Variants in EP400 observed in about 807,000 individuals in gnomAD.
EP400 encodes the protein E1A-binding protein p400.
In EP400, 105 loss-of-function variants were observed where a neutral mutation model predicts 354.1. The ratio of observed to expected loss-of-function variants is 0.30; its 90% CI spans 0.25 to 0.35. The LOEUF is 0.35. Ranked by LOEUF, EP400 falls within the 10% of genes least tolerant of loss-of-function variation. EP400 has a pLI of 1.00. For synonymous variants in EP400, 1,646 were observed against 1,716.9 expected (o/e 0.96, Z 1.02); for missense variants, 3,280 against 4,121.0 (o/e 0.80, Z 5.59).
rs1419384003 is a variant in EP400 at position 131,960,740 on chromosome 12, C to G, written c.121C>G (p.Pro41Ala). The G allele has an allele frequency of 6.2e-7, 1 of 1,609,198 alleles. No individual in the cohort carries two copies. The highest frequency in any genetic ancestry group is 8.5e-7 in the Non-Finnish European group (1 of 1,178,582). ...HPNPPPSPAA[P>A]FAPSASPSAP... Reference sequence around the variant, plus strand: ...CAACCCACCCCCGTCCCCCGCAGCTCCCTTCGCTCCCTCAGCAAGCCCGTC... The same window carrying G: ...CAACCCACCCCCGTCCCCCGCAGCTGCCTTCGCTCCCTCAGCAAGCCCGTC... The change falls in exon 2 of 53, where the codon CCC (proline) becomes GCC (alanine). Residue 41 changes from proline to alanine, a missense_variant. Pro to Ala is a conservative substitution (Grantham distance 27). Around this residue, in one of 20 missense-constraint regions of EP400, gnomAD observed 172 missense variants for 242.9 expected, o/e 0.71. Coordinates refer to ENST00000389561, the MANE Select transcript of EP400 (RefSeq NM_015409.5).
Position 132,030,273 on chromosome 12 carries a change from T to G in EP400, c.5754+115T>G, listed in dbSNP as rs967724067. 11 of 1,230,594 alleles carry G rather than the reference T, an allele frequency of 8.9e-6. No homozygotes were observed. The African/African-American group carries it at 1.7e-4, about 19-fold the overall frequency. 76.2% of individuals were successfully genotyped at this position (1,230,594 alleles called of 1,614,324 possible). ...CCTTCTAAGTGAAAGGGGAGGGACT[T>G]AATGAGCTTCTGAACTTTTTAAAGT... On this transcript the variant is annotated intron_variant, in intron 29 of 52. Transcript: ENST00000389561.
rs775391655 is a variant in EP400, at chr12:132,062,283, G to A, written c.8058G>A (p.Val2686=). 4.4e-5 allele frequency: 71 copies of A among 1,614,088 alleles called. No individual in the cohort carries two copies. In the South Asian group the frequency reaches 6.7e-4, roughly 15 times the overall value. Reference sequence around the variant, plus strand: ...TGGTCACTACCAACCTGACCCCAGTGCAGACCCCGGCACGGTCTTTGGTGC... The same window carrying A: ...TGGTCACTACCAACCTGACCCCAGTACAGACCCCGGCACGGTCTTTGGTGC... ...SAVVTTNLTP[V]QTPARSLVPQ... is the part of the protein sequence containing the mutation. Residue 2686 remains valine (V), a synonymous_variant, in exon 46 of 53, where the codon GTG becomes GTA. Transcript: ENST00000389561.
rs1896214684 is a variant in EP400, at chr12:132,075,751, C to A, written c.9022-765C>A. ...GAATAATCTTGGGAAATATTATTTTCATCCGTTTTCTGTAAGTAACAGGAC... is the reference window on the plus strand; with the variant it reads ...GAATAATCTTGGGAAATATTATTTTAATCCGTTTTCTGTAAGTAACAGGAC... On this transcript the variant is annotated intron_variant, in intron 51 of 52. Coordinates refer to ENST00000389561, the MANE Select transcript of EP400 (RefSeq NM_015409.5). The surrounding 1 kb of genome is among the most constrained non-coding windows in gnomAD (Gnocchi z 4.5). 6.6e-6 allele frequency: 1 copy of A among 152,234 alleles called. No individual in the cohort carries two copies. Among genetic ancestry groups the A allele is most frequent in the Admixed American group, 6.5e-5 (1 of 15,288 alleles). The allele number at this position is 152,234 out of a possible 1,614,324, so 9.4% of individuals were successfully genotyped here.
chr12:131,955,273 T>C (rs1891657164), intron 1 of EP400, among the ~76,000 whole-genome samples: 1 of 151,050 alleles, frequency 6.6e-6, no homozygotes, highest in South Asian at 2.1e-4. Flanking sequence ...ATAATTTACA[T>C]ATGGTAAAAG....
chr12:132,001,619 C>G (rs111229440), intron 12 of EP400, among the ~76,000 whole-genome samples: 1 of 152,116 alleles, frequency 6.6e-6, no homozygotes, highest in Non-Finnish European at 1.5e-5. Flanking sequence ...GGGAGACTCC[C>G]TTTCCCGGTC....
intron 39 of EP400, among the ~76,000 whole-genome samples, chr12:132,049,721 C>T (rs1394738440): frequency 6.6e-6 from 1 of 152,194 alleles, no homozygotes; most frequent in Non-Finnish European, 1.5e-5. Flanking sequence ...GACAGCTGTT[C>T]ACTTCACAGG....
intron 51 of EP400, among the ~76,000 whole-genome samples, chr12:132,072,727 C>CT (rs1172725129): frequency 2.6e-5 from 4 of 152,192 alleles, no homozygotes; most frequent in Non-Finnish European, 5.9e-5. Flanking sequence ...ACTTGTGTTA[C>CT]TAGTTATTGA....
chr12:131,989,755 C>T (rs1892969858), intron 7 of EP400, among the ~76,000 whole-genome samples: 1 of 152,146 alleles, frequency 6.6e-6, no homozygotes, highest in African/African-American at 2.4e-5. Flanking sequence ...AGTATAAAAA[C>T]ACTTTCTAGA....
intron 1 of EP400, among the ~76,000 whole-genome samples, chr12:131,950,948 G>A (rs1891456487): frequency 6.6e-6 from 1 of 151,986 alleles, no homozygotes; most frequent in Admixed American, 6.6e-5. Context: ...CACCCAGGCT[G>A]GAGTGCAGTG....
At position 132,021,100 on chromosome 12, in the gene EP400, C is replaced by G; in HGVS notation, c.4469C>G (p.Thr1490Ser). ...GCAGCAGCAGCAGCCCCGTTTCAGACCTCTCAGGCTTCCGCCAGTGCTCCA... is the reference window on the plus strand; with the variant it reads ...GCAGCAGCAGCAGCCCCGTTTCAGAGCTCTCAGGCTTCCGCCAGTGCTCCA... ...EAKAAAAPFQ[T>S]SQASASAPRH... The change falls in exon 23 of 53, where the codon ACC becomes AGC. Residue 1490 changes from threonine to serine, a missense_variant. Around this residue, in one of 20 missense-constraint regions of EP400, gnomAD observed 342 missense variants for 342.7 expected, o/e 1.00. Transcript: ENST00000389561. The G allele has an allele frequency of 6.3e-7, 1 of 1,599,594 alleles. No homozygotes were observed. Among genetic ancestry groups the G allele is most frequent in the Non-Finnish European group, 8.5e-7 (1 of 1,179,472 alleles).
Position 132,053,390 on chromosome 12 carries a change from A to ACCCCCCCCCCCCCCCCCCCCCCCCC in EP400, c.7526_7527insCCCCCCCCCCCCCCCCCCCCCCCCC (p.Gln2511ProfsTer79). On this transcript the variant is annotated frameshift_variant, in exon 43 of 53. Coordinates refer to ENST00000389561, the MANE Select transcript of EP400 (RefSeq NM_015409.5). LOFTEE classifies it high-confidence loss of function. ...CACAGCAGCCGGCCGTGGCCCAGCC[A>ACCCCCCCCCCCCCCCCCCCCCCCCC]CCCCCGCCCCAGCCGCAGCCCCCAC... 1 of 1,146,732 alleles carries ACCCCCCCCCCCCCCCCCCCCCCCCC rather than the reference A, an allele frequency of 8.7e-7. No individual in the cohort carries two copies. The highest frequency in any genetic ancestry group is 1.2e-6 in the Non-Finnish European group (1 of 860,118). 71.0% of individuals were successfully genotyped at this position (1,146,732 alleles called of 1,614,324 possible).
At chr12:132,059,695 G>A (rs1198036868) in intron 45 of EP400, among the ~76,000 whole-genome samples, 1 of 152,198 alleles carries the variant, frequency 6.6e-6, no homozygotes, top group South Asian at 2.1e-4. Flanking sequence ...GTGCGATATT[G>A]GGATTATCAG....
chr12:132,062,554 G>GCAA lies in EP400; in HGVS notation c.8189_8190insACA (p.Gln2748dup), dbSNP rs2136606838. The GCAA allele has an allele frequency of 6.5e-7, 1 of 1,534,156 alleles. No individual in the cohort carries two copies. Among genetic ancestry groups the GCAA allele is most frequent in the South Asian group, 1.2e-5 (1 of 84,750 alleles). On this transcript the variant is annotated inframe_insertion, in exon 47 of 53. Coordinates refer to ENST00000389561, the MANE Select transcript of EP400 (RefSeq NM_015409.5). ...AGCAGCAGCAGCAGCAACAACAGCA[G>GCAA]CAGCAGCAGCAGCAGCAGCAGCAGC...
At position 132,025,921 on chromosome 12, in the gene EP400, G is replaced by A; in HGVS notation, c.5014+117G>A. ...GTATCTCAGAACAGCACAGTCTAGTGTGTGGCCATCTCTGATTTCTATAGA... is the reference window on the plus strand; with the variant it reads ...GTATCTCAGAACAGCACAGTCTAGTATGTGGCCATCTCTGATTTCTATAGA... On this transcript the variant is annotated intron_variant, in intron 25 of 52. Coordinates refer to ENST00000389561, the MANE Select transcript of EP400 (RefSeq NM_015409.5). This position sits in a 1 kb window ranked among gnomAD's most constrained non-coding sequence, Gnocchi z 4.1. 8.1e-7 allele frequency: 1 copy of A among 1,231,222 alleles called. No homozygotes were observed. The highest frequency in any genetic ancestry group is 1.1e-6 in the Non-Finnish European group (1 of 933,530). The allele number at this position is 1,231,222 out of a possible 1,614,324, so 76.3% of individuals were successfully genotyped here. A position where few individuals can be genotyped will look rare whatever the true frequency, so the allele number is the denominator to read the frequency against.
At chr12:132,066,742 C>T in intron 48 of EP400, 32 bp from the exon 49 acceptor site, 1 of 1,596,386 alleles carries the variant, frequency 6.3e-7, no homozygotes, top group Non-Finnish European at 8.5e-7. Context: ...TCCTGAATTT[C>T]TCTGGACTCT....
chr12:132,037,659 C>T (rs371144845), intron 30 of EP400, 23 bp from the exon 31 acceptor site: 1 of 1,594,980 alleles, frequency 6.3e-7, no homozygotes, highest in Middle Eastern at 1.7e-4. Flanking sequence ...ACTGACTTAG[C>T]ATCTTACATC....
At position 132,030,234 on chromosome 12, in the gene EP400, A is replaced by T. The variant is rs1894443641; in HGVS notation, c.5754+76A>T. ...GAATGCCTAAGTGCTGTGTAAATTC[A>T]GTGGTCTCATGGCCCTTCTAAGTGA... On this transcript the variant is annotated intron_variant, in intron 29 of 52. Transcript: ENST00000389561. 9.8e-6 allele frequency: 15 copies of T among 1,536,206 alleles called. 1 individual carries two copies. In the South Asian group the frequency reaches 1.8e-4, roughly 18 times the overall value.
At position 132,006,726 on chromosome 12, in the gene EP400, G is replaced by T; in HGVS notation, c.3153G>T (p.Leu1051Phe). The change falls in exon 15 of 53, where the codon TTG (leucine) becomes TTT (phenylalanine). Residue 1051 changes from leucine to phenylalanine, a missense_variant. By Grantham distance (22) the Leu-to-Phe change is conservative. Transcript: ENST00000389561. ...TCAAGTTTAATGCTCCATCTTTGTT[G>T]TATGGGGCTCTCAGAGATTATCAGA... ...TSVKFNAPSL[L>F]YGALRDYQKI... 1 of 1,609,256 alleles carries T rather than the reference G, an allele frequency of 6.2e-7. No homozygotes were observed. Among genetic ancestry groups the T allele is most frequent in the Non-Finnish European group, 8.5e-7 (1 of 1,178,452 alleles).
chr12:132,043,589 C>G (rs1894985633), intron 33 of EP400, 56 bp from the exon 34 acceptor site: 4 of 1,581,166 alleles, frequency 2.5e-6, no homozygotes, highest in East Asian at 2.2e-5. Flanking sequence ...GTATAAGGAA[C>G]TTGACTTTTA....
Sources: gnomAD v4.1 joint callset for allele counts (sites outside exome capture counted in the v4.1 genomes callset) on GRCh38, gnomAD v4.1.1 for gene constraint, gnomAD v4.1.1 regional missense constraint, Gnocchi (gnomAD v3.1) non-coding constraint, MANE v1.5 for transcripts, NCBI Gene and HGNC (gene_info 2026-07-23, HGNC 2026-07-21) for gene names.